The following TAF1 variants were observed in gnomAD, a reference collection of about 807,000 sequenced individuals.
TAF1 encodes transcription initiation factor TFIID subunit 1.
Under a neutral mutation model 138.5 loss-of-function variants are expected in TAF1, and 2 were observed. That is an observed-to-expected ratio of 0.01 (90% confidence interval 0.01 to 0.05). The LOEUF (loss-of-function observed/expected upper bound fraction) is 0.05, where lower values mean the gene tolerates loss of function less well. Among genes scored for constraint, TAF1 ranks in the 10% least tolerant of loss-of-function variants. The probability of loss-of-function intolerance (pLI) is 1.00; values close to 1 mark genes in which losing one functional copy is unlikely to be tolerated. For missense variants in TAF1, 709 were observed against 1,478.0 expected, an observed-to-expected ratio of 0.48 and a Z score of 8.53; for synonymous variants, 437 against 503.2, an observed-to-expected ratio of 0.87 and a Z score of 1.76.
chrX:71,421,588 T>C (rs1398240819), intron 29 of TAF1, among the ~76,000 whole-genome samples: 1 of 111,885 alleles, frequency 8.9e-6, no homozygotes. Context: ...AAGTATTTGC[T>C]CTGGACATCT....
At chrX:71,508,317 C>T (rs968011399) in intron 13 of TAF1, among the ~76,000 whole-genome samples, 7 of 109,441 alleles carry the variant, frequency 6.4e-5, no homozygotes, top group East Asian at 5.7e-4. Context: ...GGCCAAGGTG[C>T]GGTGGCTCAT....
intron 25 of TAF1, 108 bp from the exon 26 acceptor site, chrX:71,406,530 C>A: frequency 1.3e-6 from 1 of 771,461 alleles, no homozygotes; most frequent in Non-Finnish European, 1.8e-6. Context: ...TTTTTCCTCG[C>A]TAGGCTCGTG....
At chrX:71,378,528 T>G in intron 7 of TAF1, 75 bp downstream of exon 7, 1 of 1,115,792 alleles carries the variant, frequency 9.0e-7, no homozygotes, top group Non-Finnish European at 1.2e-6. Flanking sequence ...TACTCTTTAA[T>G]TGGGGAGATA....
chrX:71,431,101 G>A (rs1240883709), intron 32 of TAF1, among the ~76,000 whole-genome samples: 2 of 94,615 alleles, frequency 2.1e-5, no homozygotes, highest in Non-Finnish European at 4.1e-5. Context: ...GGCAACCTTC[G>A]CCGCCCAGGT....
chrX:71,454,945 T>A, intron 34 of TAF1, 88 bp downstream of exon 34: 1 of 1,185,498 alleles, frequency 8.4e-7, no homozygotes, highest in Non-Finnish European at 1.1e-6. Context: ...TTTACTGAGA[T>A]ACCATTCTTC....
intron 13 of TAF1, among the ~76,000 whole-genome samples, chrX:71,489,676 C>CAA (rs749457938): frequency 2.0e-5 from 1 of 51,012 alleles, no homozygotes. Flanking sequence ...AACTCCGTTT[C>CAA]AAAAAAAAAA....
At chrX:71,524,771 T>C (rs1241260375) in intron 13 of TAF1, among the ~76,000 whole-genome samples, 2 of 108,931 alleles carry the variant, frequency 1.8e-5, no homozygotes, top group African/African-American at 3.3e-5. Flanking sequence ...TGAAACCCCA[T>C]CTCTACTAAA....
intron 13 of TAF1, among the ~76,000 whole-genome samples, chrX:71,497,701 T>C (rs2039421435): frequency 9.0e-6 from 1 of 111,476 alleles, no homozygotes; most frequent in African/African-American, 3.3e-5. Context: ...GAGCTTCTAC[T>C]AGGGCCTGCT....
At chrX:71,528,914 T>C (rs1382397269) in intron 14 of TAF1, among the ~76,000 whole-genome samples, 1 of 111,837 alleles carries the variant, frequency 8.9e-6, no homozygotes, top group Non-Finnish European at 1.9e-5. Context: ...GATTGGTCCA[T>C]TTTACAGAGT....
At position 71,375,263 on chromosome X, in the gene TAF1, A is replaced by C. The variant is rs1297348675; in HGVS notation, c.449A>C (p.Lys150Thr). 8.3e-7 allele frequency: 1 copy of C among 1,209,628 alleles called. No homozygotes were observed. Among genetic ancestry groups the C allele is most frequent in the East Asian group, 3.0e-5 (1 of 33,789 alleles). Reference sequence around the variant, plus strand: ...CCCCCGGGACCAATGAAGAAGGATAAGGACCAGGATTCTATTACTGGTGGT... The same window carrying C: ...CCCCCGGGACCAATGAAGAAGGATACGGACCAGGATTCTATTACTGGTGGT... ...PPPPGPMKKD[K>T]DQDSITGVSE... Residue 150 changes from lysine (K) to threonine (T), a missense_variant, in exon 4 of 38, where the codon AAG becomes ACG. Coordinates refer to ENST00000423759, the MANE Select transcript of TAF1 (RefSeq NM_004606.5).
chrX:71,408,143 C>A lies in TAF1; in HGVS notation c.4376C>A (p.Thr1459Asn). ...GAGCTAATTGTGAAAAATAGTGCAA[C>A]CTACAATGGTAAGAATCAAATGTTC... ...HLELIVKNSA[T>N]YNGPKHSLTQ... is the part of the protein sequence containing the mutation. The change falls in exon 28 of 38, where the codon ACC becomes AAC. Residue 1459 changes from threonine to asparagine, a missense_variant. Around this residue, in one of 14 missense-constraint regions of TAF1, gnomAD observed 63 missense variants for 163.3 expected, o/e 0.39. Coordinates refer to ENST00000423759, the MANE Select transcript of TAF1 (RefSeq NM_004606.5). 1.7e-6 allele frequency: 2 copies of A among 1,210,668 alleles called. No individual in the cohort carries two copies. Among genetic ancestry groups the A allele is most frequent in the Non-Finnish European group, 2.2e-6 (2 of 895,193 alleles).
chrX:71,491,036 TGTTGTTG>T (rs1346015642), intron 13 of TAF1: 1 of 98,039 alleles, frequency 1.0e-5, no homozygotes, highest in African/African-American at 4.0e-5. Flanking sequence ...TTGTTGTTGT[TGTTGTTG>T]TTTTTTTTTT....
chrX:71,374,163 A>C (rs180844837), intron 3 of TAF1, among the ~76,000 whole-genome samples: 46 of 109,720 alleles, frequency 4.2e-4, no homozygotes, highest in African/African-American at 1.5e-3. Context: ...GGCTTACTGC[A>C]ACCTTCACCT....
At chrX:71,466,872 G>A (rs1283221860), downstream of TAF1, among the ~76,000 whole-genome samples, 1 of 111,651 alleles carries the variant, frequency 9.0e-6, no homozygotes, top group Non-Finnish European at 1.9e-5. Flanking sequence ...AGGAACTTAA[G>A]GTCTAGAATG....
At chrX:71,447,038 G>C (rs2037725138) in intron 32 of TAF1, among the ~76,000 whole-genome samples, 1 of 111,353 alleles carries the variant, frequency 9.0e-6, no homozygotes, top group African/African-American at 3.3e-5. Flanking sequence ...CATCTCTTTG[G>C]GATCTGGACT....
At chrX:71,494,820 A>G (rs1444442641) in intron 13 of TAF1, among the ~76,000 whole-genome samples, 1 of 112,261 alleles carries the variant, frequency 8.9e-6, no homozygotes, top group Non-Finnish European at 1.9e-5. Flanking sequence ...CAAAGCTTCC[A>G]CTGCATGGAA....
At chrX:71,407,930 G>A (rs1378114727) in intron 27 of TAF1, 44 bp from the exon 28 acceptor site, 7 of 1,178,396 alleles carry the variant, frequency 5.9e-6, no homozygotes. Context: ...ATTGGCTCTG[G>A]CAACTGTTAT....
chrX:71,411,478 C>CA (rs1056466218), intron 28 of TAF1, among the ~76,000 whole-genome samples: 4 of 107,723 alleles, frequency 3.7e-5, no homozygotes, highest in Non-Finnish European at 5.8e-5. Context: ...GACTCTGTCT[C>CA]AAAAAAAAGA....
chrX:71,394,080 A>G lies in TAF1; in HGVS notation c.3241A>G (p.Thr1081Ala), dbSNP rs779709057. The change falls in exon 22 of 38, where the codon ACT becomes GCT. Residue 1081 changes from threonine (T) to alanine (A), a missense_variant. Transcript: ENST00000423759. ...FDLQNKVLSS[T>A]EVLSTDTDSS... ...TTCTCTTTTTAGGGTTCTGTCATCA[A>G]CTGAAGTCTTATCAACTGACACAGA... 1.7e-6 allele frequency: 2 copies of G among 1,208,806 alleles called. No individual in the cohort carries two copies. The highest frequency in any genetic ancestry group is 3.0e-5 in the East Asian group (1 of 33,814).
Sources: allele counts gnomAD v4.1 joint callset (sites outside exome capture counted in the v4.1 genomes callset), GRCh38; gene constraint gnomAD v4.1.1; regional missense constraint gnomAD v4.1.1; transcripts MANE v1.5; gene names NCBI Gene and HGNC (gene_info 2026-07-23, HGNC 2026-07-21).